Variants in MACROD2 observed in about 807,000 individuals in gnomAD.
The protein encoded by MACROD2 is ADP-ribose glycohydrolase MACROD2.
Under a neutral mutation model 70.4 loss-of-function variants are expected in MACROD2, and 36 were observed. The ratio of observed to expected loss-of-function variants is 0.51; its 90% confidence interval spans 0.39 to 0.68. The LOEUF is 0.68. Ranked by LOEUF, MACROD2 falls within the 30% of genes least tolerant of loss-of-function variation. MACROD2 has a pLI of 0.00. For missense variants in MACROD2, 496 were observed against 538.4 expected, an observed-to-expected ratio of 0.92 and a Z score of 0.78; for synonymous variants, 172 against 178.8, an observed-to-expected ratio of 0.96 and a Z score of 0.30.
At chr20:14,942,741 T>C (rs1040605985) in intron 5 of MACROD2, among the ~76,000 whole-genome samples, 3 of 146,182 alleles carry the variant, frequency 2.1e-5, no homozygotes, top group Admixed American at 6.8e-5. Context: ...GGACTGAATG[T>C]CACGTCTTAG....
intron 12 of MACROD2, among the ~76,000 whole-genome samples, chr20:15,955,383 G>A (rs2065962050): frequency 6.6e-6 from 1 of 152,082 alleles, no homozygotes; most frequent in African/African-American, 2.4e-5. Flanking sequence ...GGTGTAAGGT[G>A]GTTTGGGTAG....
intron 3 of MACROD2, among the ~76,000 whole-genome samples, chr20:14,305,228 A>G (rs1225772208): frequency 6.6e-6 from 1 of 152,172 alleles, no homozygotes; most frequent in Non-Finnish European, 1.5e-5. Flanking sequence ...TCTAAAATAT[A>G]GACCTCTTTC....
chr20:15,111,932 A>T (rs1601090028), intron 5 of MACROD2, among the ~76,000 whole-genome samples: 1 of 152,308 alleles, frequency 6.6e-6, no homozygotes, highest in East Asian at 1.9e-4. Context: ...TTGAAAACTC[A>T]GAGATAGCTT....
intron 8 of MACROD2, among the ~76,000 whole-genome samples, chr20:15,685,990 T>C (rs2050219809): frequency 1.3e-5 from 2 of 152,162 alleles, no homozygotes; most frequent in Admixed American, 6.5e-5. Flanking sequence ...TGGCACTTAT[T>C]AGTTATCAAT....
intron 5 of MACROD2, among the ~76,000 whole-genome samples, chr20:15,134,108 G>A (rs1193174335): frequency 2.2e-4 from 33 of 149,624 alleles, no homozygotes; most frequent in Non-Finnish European, 3.9e-4. Flanking sequence ...GTGTTTCACC[G>A]TGTTAGCTAG....
At chr20:15,126,880 G>A (rs187432810) in intron 5 of MACROD2, among the ~76,000 whole-genome samples, 7 of 152,194 alleles carry the variant, frequency 4.6e-5, no homozygotes, top group Admixed American at 2.6e-4. Flanking sequence ...TGCTACAGTT[G>A]TTTAGAAATT....
intron 3 of MACROD2, among the ~76,000 whole-genome samples, chr20:14,477,369 C>G (rs376804081): frequency 6.6e-6 from 1 of 152,122 alleles, no homozygotes; most frequent in East Asian, 1.9e-4. Context: ...AGCAAGTTCT[C>G]AAGGCTAGCA....
intron 3 of MACROD2, among the ~76,000 whole-genome samples, chr20:14,103,498 GT>G (rs1225635567): frequency 2.6e-5 from 4 of 151,250 alleles, no homozygotes; most frequent in South Asian, 2.1e-4. Context: ...AAAGAGAACA[GT>G]TTTTTTTTCC....
chr20:15,426,297 C>A lies in MACROD2; in HGVS notation c.541-5108C>A, dbSNP rs544319632. Among the ~76,000 whole-genome samples, 59 of 151,834 alleles carry A rather than the reference C, an allele frequency of 3.9e-4. No homozygotes were observed. In the South Asian group the frequency reaches 6.7e-3, roughly 17 times the overall value. ...AGTATTTCCCACTTGGTGGCCCAAC[C>A]TATAATTTCACATAAGAAAAAATTC... On this transcript the variant is annotated intron_variant, in intron 6 of 17. Transcript: ENST00000684519.
intron 3 of MACROD2, chr20:14,128,112 C>T (rs963133416): frequency 3.7e-6 from 2 of 541,792 alleles, no homozygotes; most frequent in Middle Eastern, 3.1e-4. Context: ...TGCTTGTTCA[C>T]CAGAGAAGGT....
At chr20:15,557,738 T>C (rs530173441) in intron 8 of MACROD2, among the ~76,000 whole-genome samples, 2 of 152,178 alleles carry the variant, frequency 1.3e-5, no homozygotes, top group East Asian at 1.9e-4. Flanking sequence ...ACACAGAGAG[T>C]ACAGAAGGGG....
intron 5 of MACROD2, among the ~76,000 whole-genome samples, chr20:14,692,603 A>T (rs559490850): frequency 3.3e-4 from 50 of 152,274 alleles, no homozygotes; most frequent in Non-Finnish European, 6.3e-4. Flanking sequence ...TGTCTTTGTC[A>T]TAATCATAGC....
At chr20:15,747,780 C>A (rs1459915793) in intron 8 of MACROD2, among the ~76,000 whole-genome samples, 6 of 152,028 alleles carry the variant, frequency 3.9e-5, no homozygotes, top group Non-Finnish European at 8.8e-5. Flanking sequence ...AATTTGTATA[C>A]CCTTATTTCC....
In MACROD2 at chr20:15,537,467, CTTTTT is replaced by C. The variant is rs35857138; in HGVS notation, c.645+37640_645+37644del. Reference sequence around the variant, plus strand: ...ACTTTGCCTGGGAAATCCCACTCATCTTTTTTTTTTTTTTTTTTTTTTTTGAGAGG... The same window carrying C: ...ACTTTGCCTGGGAAATCCCACTCATCTTTTTTTTTTTTTTTTTTTGAGAGG... On this transcript the variant is annotated intron_variant, in intron 8 of 17. Coordinates refer to ENST00000684519, the MANE Select transcript of MACROD2 (RefSeq NM_001351661.2). Among the ~76,000 whole-genome samples, 6 of 89,930 alleles carry C rather than the reference CTTTTT, an allele frequency of 6.7e-5. 1 individual carries two copies. Among genetic ancestry groups the C allele is most frequent in the South Asian group, 4.6e-4 (1 of 2,190 alleles). 59.0% of individuals were successfully genotyped at this position (89,930 alleles called of 152,430 possible).
intron 3 of MACROD2, among the ~76,000 whole-genome samples, chr20:14,240,303 AG>A (rs1223082315): frequency 2.6e-5 from 4 of 152,264 alleles, no homozygotes; most frequent in African/African-American, 7.2e-5. Flanking sequence ...AACTTAAAAC[AG>A]AACTATGATT....
intron 3 of MACROD2, among the ~76,000 whole-genome samples, chr20:14,476,540 A>G (rs1429449939): frequency 2.6e-5 from 4 of 152,136 alleles, no homozygotes; most frequent in Non-Finnish European, 4.4e-5. Context: ...TATTTTTAGT[A>G]GGGAAAGGGT....
At chr20:15,060,072 A>G (rs938954274) in intron 5 of MACROD2, among the ~76,000 whole-genome samples, 1 of 152,212 alleles carries the variant, frequency 6.6e-6, no homozygotes, top group Non-Finnish European at 1.5e-5. Context: ...TAACACATGC[A>G]TATACAAAAT....
At chr20:15,230,576 T>G (rs1245093833) in intron 6 of MACROD2, among the ~76,000 whole-genome samples, 2 of 152,194 alleles carry the variant, frequency 1.3e-5, no homozygotes, top group Non-Finnish European at 2.9e-5. Context: ...AATGTTGTTA[T>G]TCTTTTAGAT....
At chr20:14,397,175 A>G (rs1190791024) in intron 3 of MACROD2, among the ~76,000 whole-genome samples, 3 of 151,442 alleles carry the variant, frequency 2.0e-5, no homozygotes, top group Non-Finnish European at 4.4e-5. Flanking sequence ...TTGTATTTTT[A>G]CTAGAGATGG....
Sources: gnomAD v4.1 joint callset for allele counts (sites outside exome capture counted in the v4.1 genomes callset) on GRCh38, gnomAD v4.1.1 for gene constraint, MANE v1.5 for transcripts, NCBI Gene and HGNC (gene_info 2026-07-23, HGNC 2026-07-21) for gene names.